Variants in MOCOS observed in about 807,000 individuals in gnomAD.
MOCOS encodes molybdenum cofactor sulfurase, also known as human molybdenum cofactor sulfurase.
A neutral mutation model predicts 83.6 loss-of-function variants in MOCOS; 86 were observed. That is an observed-to-expected ratio of 1.03 (90% CI 0.86 to 1.23). The LOEUF is 1.23. Ranked by LOEUF, MOCOS falls within the 50% of genes most tolerant of loss-of-function variation. The pLI, the probability that MOCOS is intolerant of heterozygous loss-of-function variation, is 0.00. For missense variants in MOCOS, 1,120 were observed against 1,126.9 expected (o/e 0.99, Z 0.09); for synonymous variants, 445 against 434.7 (o/e 1.02, Z -0.29).
At chr18:36,219,487 T>G (rs1400934207) in intron 8 of MOCOS, among the ~76,000 whole-genome samples, 1 of 152,064 alleles carries the variant, frequency 6.6e-6, no homozygotes, top group Non-Finnish European at 1.5e-5. Flanking sequence ...GAGACCAGCC[T>G]GGCTAACATG....
chr18:36,239,141 G>T (rs1351331893), intron 9 of MOCOS, among the ~76,000 whole-genome samples: 1 of 151,404 alleles, frequency 6.6e-6, no homozygotes, highest in Admixed American at 6.6e-5. Context: ...TACATTTAAA[G>T]TTAATAGTGT....
At chr18:36,263,468 G>A (rs1321080620) in intron 13 of MOCOS, among the ~76,000 whole-genome samples, 4 of 152,236 alleles carry the variant, frequency 2.6e-5, no homozygotes, top group Non-Finnish European at 5.9e-5. Context: ...GGCTTTCTAT[G>A]TCCTGACTGG....
At chr18:36,202,072 A>G (rs936769415) in intron 4 of MOCOS, among the ~76,000 whole-genome samples, 1 of 152,192 alleles carries the variant, frequency 6.6e-6, no homozygotes, top group African/African-American at 2.4e-5. Flanking sequence ...TGACACGCCA[A>G]CATTCCCAGA....
Position 36,248,982 on chromosome 18 carries a change from G to T in MOCOS, c.2021G>T (p.Ser674Ile), listed in dbSNP as rs373153421. The change falls in exon 10 of 15, where the codon AGC (serine) becomes ATC (isoleucine). Residue 674 changes from serine to isoleucine, a missense_variant. Physicochemically the swap from Ser to Ile is moderately radical, Grantham distance 142. Transcript: ENST00000261326. ...ENSERTQIRQ[S>I]RVCADRVSTY... ...AGTGAACGGACTCAGATTCGCCAAA[G>T]CAGGGTCTGTGCTGACAGGTGAGAC... 1 of 1,614,184 alleles carries T rather than the reference G, an allele frequency of 6.2e-7. No individual in the cohort carries two copies. Among genetic ancestry groups the T allele is most frequent in the East Asian group, 2.2e-5 (1 of 44,894 alleles).
In MOCOS at chr18:36,213,500, C is replaced by A; in HGVS notation, c.1335+18C>A. Reference sequence around the variant, plus strand: ...ATTTTCAGGTTGGTACAGGGCTCTGCGATCCAGACGCTGGTCAGCGAGACC... The same window carrying A: ...ATTTTCAGGTTGGTACAGGGCTCTGAGATCCAGACGCTGGTCAGCGAGACC... On this transcript the variant is annotated intron_variant, in intron 7 of 14. Transcript: ENST00000261326. 5 of 1,596,044 alleles carry A rather than the reference C, an allele frequency of 3.1e-6. No homozygotes were observed. Among genetic ancestry groups the A allele is most frequent in the East Asian group, 2.2e-5 (1 of 44,764 alleles).
At chr18:36,225,497 T>C (rs2091512145) in intron 9 of MOCOS, among the ~76,000 whole-genome samples, 1 of 152,210 alleles carries the variant, frequency 6.6e-6, no homozygotes, top group South Asian at 2.1e-4. Context: ...AGTTCTGTTT[T>C]TCAAAAATCC....
intron 6 of MOCOS, among the ~76,000 whole-genome samples, chr18:36,207,699 T>C (rs922218971): frequency 3.3e-5 from 5 of 151,358 alleles, no homozygotes; most frequent in African/African-American, 1.2e-4. Context: ...ATTAGACCTT[T>C]ATTAGATGCA....
intron 8 of MOCOS, among the ~76,000 whole-genome samples, chr18:36,216,742 C>T (rs187548144): frequency 4.5e-4 from 69 of 152,294 alleles, no homozygotes; most frequent in Non-Finnish European, 8.2e-4. Context: ...AAATATCTCT[C>T]CATAAAATAC....
intron 6 of MOCOS, among the ~76,000 whole-genome samples, chr18:36,210,018 A>T (rs1051217533): frequency 2.0e-5 from 3 of 151,996 alleles, no homozygotes; most frequent in African/African-American, 7.3e-5. Flanking sequence ...TAGCTCTTTA[A>T]TGTGCTGCTG....
rs146115999 is a variant in MOCOS, at chr18:36,254,379, T to A, written c.2165-2589T>A. ...ACATTGTTCTTTTCAACAAAGCCAGTAGAATCTCAATACTGCAGCATTTTT... is the reference window on the plus strand; with the variant it reads ...ACATTGTTCTTTTCAACAAAGCCAGAAGAATCTCAATACTGCAGCATTTTT... On this transcript the variant is annotated intron_variant, in intron 11 of 14. Transcript: ENST00000261326. Among the ~76,000 whole-genome samples, 1,162 of 152,010 alleles carry A rather than the reference T, an allele frequency of 7.6e-3. 14 individuals are homozygous for A. The highest frequency in any genetic ancestry group is 9.9e-3 in the Non-Finnish European group (673 of 68,000).
At chr18:36,262,060 G>T (rs1427749269) in intron 13 of MOCOS, among the ~76,000 whole-genome samples, 2 of 152,172 alleles carry the variant, frequency 1.3e-5, no homozygotes, top group East Asian at 3.9e-4. Flanking sequence ...AGATGACTTA[G>T]CAGGCTTTGC....
intron 2 of MOCOS, among the ~76,000 whole-genome samples, chr18:36,195,769 C>T (rs1369776117): frequency 6.6e-6 from 1 of 152,240 alleles, no homozygotes; most frequent in African/African-American, 2.4e-5. Context: ...ATATCCCTTT[C>T]TTCTTGGACA....
chr18:36,194,892 C>G (rs1263144026), intron 1 of MOCOS, among the ~76,000 whole-genome samples: 1 of 152,216 alleles, frequency 6.6e-6, no homozygotes, highest in Non-Finnish European at 1.5e-5. Context: ...GATCAGGGCT[C>G]TCCCCTCAGG....
chr18:36,214,244 C>CAAAAAA (rs33965546), intron 7 of MOCOS, among the ~76,000 whole-genome samples: 21 of 91,060 alleles, frequency 2.3e-4, no homozygotes, highest in East Asian at 2.8e-4. Flanking sequence ...AACTCAGTCT[C>CAAAAAA]AAAAAAAAAA....
intron 9 of MOCOS, among the ~76,000 whole-genome samples, chr18:36,246,383 T>C (rs1189776985): frequency 6.6e-6 from 1 of 152,090 alleles, no homozygotes; most frequent in Non-Finnish European, 1.5e-5. Context: ...ACTGCAGTGA[T>C]TGTTATTGCC....
intron 9 of MOCOS, among the ~76,000 whole-genome samples, chr18:36,230,331 C>T (rs1326274661): frequency 5.9e-5 from 9 of 152,058 alleles, no homozygotes; most frequent in Non-Finnish European, 1.3e-4. Flanking sequence ...GTGATCCACC[C>T]ACCTTGGTCT....
chr18:36,214,121 A>G (rs1416098237), intron 7 of MOCOS, among the ~76,000 whole-genome samples: 1 of 151,394 alleles, frequency 6.6e-6, no homozygotes, highest in Non-Finnish European at 1.5e-5. Flanking sequence ...CATGCCTGTA[A>G]TCCTAGCTAG....
rs768685343 is a variant in MOCOS, at chr18:36,266,239, GATT to G, written c.2410-509_2410-507del. ...CCACCTCCGCCTCCCGGGTTCAAGT[GATT>G]CTTCTTCCTCAGCCTCCTGGGTAGA... On this transcript the variant is annotated intron_variant, in intron 13 of 14. Transcript: ENST00000261326. Among the ~76,000 whole-genome samples, 1,280 of 152,240 alleles carry G rather than the reference GATT, an allele frequency of 8.4e-3. 14 individuals are homozygous for G. The highest frequency in any genetic ancestry group is 0.013 in the Non-Finnish European group (874 of 68,018).
At chr18:36,194,284 C>A (rs2091378157) in intron 1 of MOCOS, among the ~76,000 whole-genome samples, 1 of 152,118 alleles carries the variant, frequency 6.6e-6, no homozygotes, top group Admixed American at 6.5e-5. Context: ...TATGTTATAT[C>A]TCAATAAAGC....
Sources: gnomAD v4.1 joint callset for allele counts (sites outside exome capture counted in the v4.1 genomes callset) on GRCh38, gnomAD v4.1.1 for gene constraint, MANE v1.5 for transcripts, NCBI Gene and HGNC (gene_info 2026-07-23, HGNC 2026-07-21) for gene names.